The following HOOK3 variants were observed in gnomAD, a reference collection of about 807,000 sequenced individuals.
HOOK3 encodes protein Hook homolog 3.
Under a neutral mutation model 116.3 loss-of-function variants are expected in HOOK3, and 24 were observed. The ratio of observed to expected loss-of-function variants is 0.21; its 90% confidence interval spans 0.15 to 0.29. HOOK3 has a LOEUF of 0.29. HOOK3 is among the 10% of genes least tolerant of loss of function. The probability of loss-of-function intolerance (pLI) is 1.00; values close to 1 mark genes in which losing one functional copy is unlikely to be tolerated. For missense variants in HOOK3, 632 were observed against 830.2 expected (o/e 0.76, Z 2.93); for synonymous variants, 275 against 283.0 (o/e 0.97, Z 0.28).
chr8:42,983,169 C>A (rs1044601615), intron 14 of HOOK3, among the ~76,000 whole-genome samples: 3 of 151,864 alleles, frequency 2.0e-5, no homozygotes, highest in Non-Finnish European at 2.9e-5. Flanking sequence ...CCTGTCTCTA[C>A]AAAAAATACA....
rs535369686 is a variant in HOOK3, at chr8:42,950,766, A to C, written c.468+311A>C. 2.0e-5 allele frequency among the ~76,000 whole-genome samples: 3 copies of C among 152,138 alleles called. No homozygotes were observed. In the East Asian group the frequency reaches 5.8e-4, roughly 29 times the overall value. ...AGTGGTACAATCTGGGCTCACTGCA[A>C]CTTCCACCTCCTGGGTTCAAGTGAT... On this transcript the variant is annotated intron_variant, in intron 6 of 21. Coordinates refer to ENST00000307602, the MANE Select transcript of HOOK3 (RefSeq NM_032410.4).
At chr8:42,976,904 A>C (rs899103856) in intron 13 of HOOK3, among the ~76,000 whole-genome samples, 1 of 152,166 alleles carries the variant, frequency 6.6e-6, no homozygotes, top group African/African-American at 2.4e-5. Flanking sequence ...GGTGTTTCTT[A>C]CTGCATGGTG....
At chr8:42,959,976 G>A (rs1401833114) in intron 8 of HOOK3, among the ~76,000 whole-genome samples, 1 of 152,012 alleles carries the variant, frequency 6.6e-6, no homozygotes, top group Admixed American at 6.6e-5. Context: ...TCATTGCATT[G>A]GATGCATATT....
intron 6 of HOOK3, among the ~76,000 whole-genome samples, chr8:42,952,062 A>G (rs1808354463): frequency 6.6e-6 from 1 of 152,216 alleles, no homozygotes; most frequent in Admixed American, 6.5e-5. Flanking sequence ...AGTTGGGCCA[A>G]ACTTCACAGA....
At chr8:42,919,812 C>T (rs1057438957) in intron 2 of HOOK3, among the ~76,000 whole-genome samples, 10 of 152,126 alleles carry the variant, frequency 6.6e-5, no homozygotes, top group Admixed American at 4.6e-4. Flanking sequence ...CGTGGCGGTG[C>T]GCGCCTGCAA....
intron 5 of HOOK3, among the ~76,000 whole-genome samples, chr8:42,949,910 T>G (rs113950239): frequency 3.3e-5 from 5 of 149,818 alleles, no homozygotes; most frequent in African/African-American, 1.2e-4. Context: ...AGTGAGACTC[T>G]GTCTAAAAAA....
chr8:42,950,008 A>C (rs1808310335), intron 5 of HOOK3, among the ~76,000 whole-genome samples: 1 of 152,044 alleles, frequency 6.6e-6, no homozygotes, highest in Admixed American at 6.5e-5. Flanking sequence ...TTTTTTGTTT[A>C]ACTGCATAGC....
rs759485687 is a variant in HOOK3, at chr8:43,018,428, C to T, written c.2087C>T (p.Ala696Val). Residue 696 changes from alanine (A) to valine (V), a missense_variant, in exon 22 of 22, where the codon GCG becomes GTG. Ala to Val is a moderately conservative substitution (Grantham distance 64). Around this residue, in one of 3 missense-constraint regions of HOOK3, gnomAD observed 483 missense variants for 648.1 expected, o/e 0.75. Transcript: ENST00000307602. The part of the protein sequence containing the change: ...ASTGSGQSFL[A>V]RQRQATSSRR... ...ACAGGCTCAGGGCAGTCATTTCTGGCGAGGCAGAGGCAAGCGACCAGCAGC... is the reference window on the plus strand; with the variant it reads ...ACAGGCTCAGGGCAGTCATTTCTGGTGAGGCAGAGGCAAGCGACCAGCAGC... The T allele has an allele frequency of 5.0e-6, 8 of 1,613,622 alleles. No individual in the cohort carries two copies. Among genetic ancestry groups the T allele is most frequent in the Admixed American group, 1.7e-5 (1 of 59,832 alleles).
intron 10 of HOOK3, 36 bp from the exon 11 acceptor site, chr8:42,967,977 T>A: frequency 8.7e-7 from 1 of 1,145,112 alleles, no homozygotes; most frequent in Non-Finnish European, 1.3e-6. Context: ...AGTGTGGATG[T>A]GTTTCTGATT....
intron 4 of HOOK3, among the ~76,000 whole-genome samples, chr8:42,937,352 A>ATTTT (rs35303192): frequency 1.8e-4 from 20 of 113,904 alleles, no homozygotes; most frequent in East Asian, 1.0e-3. Context: ...GGATTCATTG[A>ATTTT]TTTTTTTTTT....
At chr8:42,940,308 C>T (rs1055656543) in intron 4 of HOOK3, among the ~76,000 whole-genome samples, 17 of 152,204 alleles carry the variant, frequency 1.1e-4, no homozygotes, top group Admixed American at 5.9e-4. Flanking sequence ...AGCGAAACCC[C>T]GTCTCCACCA....
chr8:42,934,248 A>AT (rs1464106908), intron 4 of HOOK3, among the ~76,000 whole-genome samples: 3 of 151,158 alleles, frequency 2.0e-5, no homozygotes, highest in Non-Finnish European at 4.4e-5. Context: ...TGCCTGTTGA[A>AT]TTTTTTCATT....
intron 14 of HOOK3, among the ~76,000 whole-genome samples, chr8:42,986,310 A>C (rs1396366777): frequency 1.3e-5 from 2 of 152,230 alleles, no homozygotes; most frequent in Non-Finnish European, 2.9e-5. Flanking sequence ...ATTTAAGATC[A>C]TAGCATCATT....
chr8:42,908,353 C>T (rs1033506596), intron 2 of HOOK3, among the ~76,000 whole-genome samples: 1 of 151,474 alleles, frequency 6.6e-6, no homozygotes, highest in Non-Finnish European at 1.5e-5. Context: ...CCCAAATAAC[C>T]AAAGCAATCA....
chr8:42,906,244 G>C lies in HOOK3; in HGVS notation c.129G>C (p.Gln43His), dbSNP rs1440135074. ...EDLTNGVVMA[Q>H]VLQKIDPAYF... ...TAACGAATGGGGTTGTGATGGCCCA[G>C]GTTCTTCAAAAGATGTAAGAATAAA... The change falls in exon 2 of 22, where the codon CAG becomes CAC. Residue 43 changes from glutamine (Q) to histidine (H), a missense_variant. This residue lies in a region of HOOK3 where 141 missense variants were observed against 150.8 expected (regional missense o/e 0.93). Coordinates refer to ENST00000307602, the MANE Select transcript of HOOK3 (RefSeq NM_032410.4). 1 of 1,602,810 alleles carries C rather than the reference G, an allele frequency of 6.2e-7. No individual in the cohort carries two copies. Among genetic ancestry groups the C allele is most frequent in the South Asian group, 1.1e-5 (1 of 90,880 alleles).
intron 5 of HOOK3, among the ~76,000 whole-genome samples, chr8:42,947,741 TCTG>T (rs1439064824): frequency 6.6e-6 from 1 of 152,222 alleles, no homozygotes; most frequent in Admixed American, 6.5e-5. Flanking sequence ...CTAAAGCAGT[TCTG>T]CTGTTTACTA....
At chr8:42,967,246 G>T (rs1261770481) in intron 10 of HOOK3, among the ~76,000 whole-genome samples, 1 of 151,864 alleles carries the variant, frequency 6.6e-6, no homozygotes, top group Non-Finnish European at 1.5e-5. Flanking sequence ...TGATTCCTCA[G>T]GATTCTACTC....
In HOOK3 at chr8:42,973,547, G is replaced by A. The variant is rs146546638; in HGVS notation, c.1233+148G>A. 1.1e-4 allele frequency: 62 copies of A among 559,086 alleles called. No homozygotes were observed. In the East Asian group the frequency reaches 1.9e-3, roughly 17 times the overall value. 34.6% of individuals were successfully genotyped at this position (559,086 alleles called of 1,614,324 possible). On this transcript the variant is annotated intron_variant, in intron 12 of 21. Transcript: ENST00000307602. ...TTTAAGCTGTAGGAGAATTCCATTTGTGTTTCAGAAATAAGGCAAAAAAGT... is the reference window on the plus strand; with the variant it reads ...TTTAAGCTGTAGGAGAATTCCATTTATGTTTCAGAAATAAGGCAAAAAAGT...
At chr8:43,015,239 T>G (rs183218101) in intron 21 of HOOK3, among the ~76,000 whole-genome samples, 1 of 152,082 alleles carries the variant, frequency 6.6e-6, no homozygotes, top group Non-Finnish European at 1.5e-5. Flanking sequence ...TTGACAAATA[T>G]AGGCTATGCA....
Sources: gnomAD v4.1 joint callset for allele counts (sites outside exome capture counted in the v4.1 genomes callset) on GRCh38, gnomAD v4.1.1 for gene constraint, gnomAD v4.1.1 regional missense constraint, MANE v1.5 for transcripts, NCBI Gene and HGNC (gene_info 2026-07-23, HGNC 2026-07-21) for gene names.